The following SRRM3 variants were observed in gnomAD, a reference collection of about 807,000 sequenced individuals.
SRRM3 encodes serine/arginine repetitive matrix 3, also known as serine/arginine repetitive matrix protein 3.
A neutral mutation model predicts 66.2 loss-of-function variants in SRRM3; 27 were observed. The observed-to-expected ratio is 0.41, with a 90% CI of 0.30 to 0.56. SRRM3 has a LOEUF of 0.56. Ranked by LOEUF, SRRM3 falls within the 20% of genes least tolerant of loss-of-function variation. The probability of loss-of-function intolerance (pLI) is 0.32; values close to 1 mark genes in which losing one functional copy is unlikely to be tolerated. For synonymous variants in SRRM3, 391 were observed against 414.9 expected, an observed-to-expected ratio of 0.94 and a Z score of 0.70; for missense variants, 918 against 991.9, an observed-to-expected ratio of 0.93 and a Z score of 1.00.
chr7:76,266,367 C>CATATAA (rs1802044096), intron 10 of SRRM3, among the ~76,000 whole-genome samples: 2 of 106,870 alleles, frequency 1.9e-5, no homozygotes, highest in Admixed American at 1.2e-4. Flanking sequence ...TGTATATTTT[C>CATATAA]ATATAAATAA....
At chr7:76,242,253 G>A (rs1379352790) in intron 2 of SRRM3, among the ~76,000 whole-genome samples, 1 of 152,210 alleles carries the variant, frequency 6.6e-6, no homozygotes, top group Non-Finnish European at 1.5e-5. Context: ...GGGAGGCTGA[G>A]GTGGGTGGAT....
At chr7:76,230,456 C>A (rs1312719927) in intron 1 of SRRM3, among the ~76,000 whole-genome samples, 1 of 152,030 alleles carries the variant, frequency 6.6e-6, no homozygotes, top group Non-Finnish European at 1.5e-5. Flanking sequence ...TTGAGAGCAG[C>A]CTGGGCAACA....
chr7:76,284,658 C>G (rs1554612506), intron 14 of SRRM3, among the ~76,000 whole-genome samples: 2 of 152,210 alleles, frequency 1.3e-5, no homozygotes, highest in Non-Finnish European at 2.9e-5. Flanking sequence ...GCCAGGCCCT[C>G]ACACCTTCCA....
chr7:76,262,918 A>G (rs1801919538), intron 8 of SRRM3, among the ~76,000 whole-genome samples: 1 of 152,182 alleles, frequency 6.6e-6, no homozygotes, highest in South Asian at 2.1e-4. Flanking sequence ...TGGGGCAGTC[A>G]CATTCCAGAG....
intron 6 of SRRM3, 35 bp downstream of exon 6, chr7:76,260,938 G>A (rs1801847240): frequency 1.9e-6 from 3 of 1,551,956 alleles, no homozygotes; most frequent in Non-Finnish European, 2.6e-6. Flanking sequence ...GGCCAGGGCG[G>A]GGGATGTCTG....
In SRRM3 at chr7:76,277,749, A is replaced by AGAAAAAAGAAAAAAG. The variant is rs1554611348; in HGVS notation, c.1009-3688_1009-3687insAAAGAAAAAAGGAAA. Among the ~76,000 whole-genome samples, 62 of 151,204 alleles carry AGAAAAAAGAAAAAAG rather than the reference A, an allele frequency of 4.1e-4. 1 individual carries two copies. The South Asian group carries it at 0.013, about 32-fold the overall frequency. On this transcript the variant is annotated intron_variant, in intron 11 of 14. Transcript: ENST00000611745. ...AAAAAAAAAAAAGAGAGAGAGAGAA[A>AGAAAAAAGAAAAAAG]GAAAGAAAAGAAAAAGAAGAAGTAG...
chr7:76,261,317 C>G (rs1554608673), intron 6 of SRRM3, 35 bp from the exon 7 acceptor site: 1 of 446,774 alleles, frequency 2.2e-6, no homozygotes, highest in Non-Finnish European at 4.1e-6. Flanking sequence ...ACCCCCCACC[C>G]CAGCTCACTA....
intron 12 of SRRM3, 39 bp from the exon 13 acceptor site, chr7:76,282,609 G>C: frequency 8.3e-7 from 1 of 1,201,336 alleles, no homozygotes; most frequent in Non-Finnish European, 1.1e-6. Context: ...CCCCTTTCCG[G>C]GTCGCTGAGC....
chr7:76,235,411 G>A, intron 2 of SRRM3, 112 bp downstream of exon 2: 2 of 944,224 alleles, frequency 2.1e-6, no homozygotes, highest in Non-Finnish European at 3.0e-6. Context: ...GGAGAAGGGC[G>A]GGGCTAGGGG....
At chr7:76,273,452 A>G (rs1802261239) in intron 11 of SRRM3, 1 of 152,072 alleles carries the variant, frequency 6.6e-6, no homozygotes, top group Non-Finnish European at 1.5e-5. Context: ...CTGGGATGAG[A>G]CAAAAGCCAC....
At chr7:76,236,734 C>T (rs1211331353) in intron 2 of SRRM3, among the ~76,000 whole-genome samples, 1 of 152,206 alleles carries the variant, frequency 6.6e-6, no homozygotes, top group African/African-American at 2.4e-5. Flanking sequence ...CTGATGCTCA[C>T]CTCACCCAGA....
chr7:76,224,751 A>G (rs901149750), intron 1 of SRRM3, among the ~76,000 whole-genome samples: 1 of 152,150 alleles, frequency 6.6e-6, no homozygotes, highest in Admixed American at 6.5e-5. Flanking sequence ...CCTACACACC[A>G]AGAGAGGTTT....
Position 76,282,665 on chromosome 7 carries a change from C to T in SRRM3, c.1388C>T (p.Pro463Leu), listed in dbSNP as rs1383359268. The T allele has an allele frequency of 1.4e-6, 2 of 1,400,652 alleles. No homozygotes were observed. The highest frequency in any genetic ancestry group is 1.5e-5 in the African/African-American group (1 of 66,174). 86.8% of individuals were successfully genotyped at this position (1,400,652 alleles called of 1,614,324 possible). ...TCCTCCAGGGCCAAGGAGCGGCCCC[C>T]GCGCGCGCGGCCCGCCAGCACCTCT... ...GHGKRAKERP[P>L]RARPASTSPS... The change falls in exon 13 of 15, where the codon CCG (proline) becomes CTG (leucine). Residue 463 changes from proline (P) to leucine (L), a missense_variant. By Grantham distance (98) the Pro-to-Leu change is moderately conservative. Coordinates refer to ENST00000611745, the MANE Select transcript of SRRM3 (RefSeq NM_001110199.3).
intron 8 of SRRM3, among the ~76,000 whole-genome samples, chr7:76,262,438 G>A (rs557038157): frequency 6.6e-5 from 10 of 150,876 alleles, no homozygotes; most frequent in African/African-American, 1.9e-4. Context: ...CCCGGGTGGC[G>A]GAGGTTGCAG....
chr7:76,230,799 G>A (rs1800995514), intron 1 of SRRM3, among the ~76,000 whole-genome samples: 1 of 149,930 alleles, frequency 6.7e-6, no homozygotes, highest in Non-Finnish European at 1.5e-5. Context: ...CGCCCAGGCT[G>A]AAATACAATG....
intron 1 of SRRM3, among the ~76,000 whole-genome samples, chr7:76,212,000 C>A (rs1431623603): frequency 6.6e-6 from 1 of 150,874 alleles, no homozygotes. Context: ...CCACCGTGCC[C>A]AGATAATTTT....
chr7:76,244,969 G>A (rs1801402481), intron 2 of SRRM3, among the ~76,000 whole-genome samples: 3 of 152,224 alleles, frequency 2.0e-5, no homozygotes, highest in Admixed American at 2.0e-4. Flanking sequence ...CTGCCCTCAG[G>A]GAACTCCAGG....
chr7:76,202,530 C>T (rs1323588981), intron 1 of SRRM3, among the ~76,000 whole-genome samples: 2 of 152,152 alleles, frequency 1.3e-5, no homozygotes, highest in East Asian at 1.9e-4. Context: ...GCCCCTTTCC[C>T]GGCTACCCAA....
intron 3 of SRRM3, among the ~76,000 whole-genome samples, chr7:76,256,834 C>T (rs11982498): frequency 0.033 from 5,010 of 151,714 alleles, 170 homozygotes; most frequent in African/African-American, 0.093. Context: ...CTCAGCCTCC[C>T]GAGTAGCTAA....
Sources: allele counts gnomAD v4.1 joint callset (sites outside exome capture counted in the v4.1 genomes callset), GRCh38; gene constraint gnomAD v4.1.1; transcripts MANE v1.5; gene names NCBI Gene and HGNC (gene_info 2026-07-23, HGNC 2026-07-21).